SMG7: variants seen among roughly 807,000 people sequenced by gnomAD.
The protein encoded by SMG7 is SMG7 nonsense mediated mRNA decay factor.
A neutral mutation model predicts 148.2 loss-of-function variants in SMG7; 34 were observed. The observed-to-expected ratio is 0.23, with a 90% CI of 0.17 to 0.31. The LOEUF is 0.31. SMG7 is among the 10% of genes least tolerant of loss of function. The pLI is 1.00. For synonymous variants in SMG7, 492 were observed against 515.1 expected (o/e 0.96, Z 0.61); for missense variants, 1,114 against 1,408.4 (o/e 0.79, Z 3.35).
intron 17 of SMG7, 82 bp downstream of exon 17, chr1:183,546,419 T>A: frequency 7.0e-7 from 1 of 1,431,384 alleles, no homozygotes; most frequent in Non-Finnish European, 9.5e-7. Flanking sequence ...ATAGATCTTA[T>A]AAAAAGGCCA....
Position 183,530,849 on chromosome 1 carries a change from C to G in SMG7, c.843+1316C>G, listed in dbSNP as rs1572018964. 3.3e-5 allele frequency among the ~76,000 whole-genome samples: 5 copies of G among 152,174 alleles called. No individual in the cohort carries two copies. In the Middle Eastern group the frequency reaches 0.017, roughly 518 times the overall value. Reference sequence around the variant, plus strand: ...CAGCTCTGGTTCTGTGAAATACTCTCTAAATTGGTGGTGGTGGGTGGTCCC... The same window carrying G: ...CAGCTCTGGTTCTGTGAAATACTCTGTAAATTGGTGGTGGTGGGTGGTCCC... On this transcript the variant is annotated intron_variant, in intron 8 of 22. Transcript: ENST00000688051.
chr1:183,473,185 G>C (rs553676648), intron 1 of SMG7, among the ~76,000 whole-genome samples: 2 of 152,198 alleles, frequency 1.3e-5, no homozygotes, highest in East Asian at 3.9e-4. Context: ...CTCGGGTTGG[G>C]AGTATTGAGG....
intron 8 of SMG7, among the ~76,000 whole-genome samples, chr1:183,532,907 T>G (rs1332878246): frequency 6.6e-6 from 1 of 152,208 alleles, no homozygotes. Context: ...ATATATAGTT[T>G]CCTAGGAGAA....
chr1:183,543,487 G>GAA (rs776454221), intron 14 of SMG7, among the ~76,000 whole-genome samples: 2 of 144,772 alleles, frequency 1.4e-5, no homozygotes, highest in Non-Finnish European at 1.5e-5. Context: ...GGAAAGGCAA[G>GAA]AAAAAAAAAA....
rs544644369 is a variant in SMG7, at chr1:183,482,438, G to GT, written c.29+9790dup. 4.8e-3 allele frequency among the ~76,000 whole-genome samples: 728 copies of GT among 150,628 alleles called. 1 individual carries two copies. Among genetic ancestry groups the GT allele is most frequent in the Non-Finnish European group, 7.6e-3 (515 of 67,622 alleles). ...ACTTTTGTAAGTAGCCTCATCTTAGGTAAAAAAAAAAAATAGCTATTTGGA... is the reference window on the plus strand; with the variant it reads ...ACTTTTGTAAGTAGCCTCATCTTAGGTTAAAAAAAAAAAATAGCTATTTGGA... On this transcript the variant is annotated intron_variant, in intron 1 of 22. Coordinates refer to ENST00000688051, the MANE Select transcript of SMG7 (RefSeq NM_001375584.1).
intron 1 of SMG7, among the ~76,000 whole-genome samples, chr1:183,507,136 C>T (rs1661113809): frequency 6.6e-6 from 1 of 152,096 alleles, no homozygotes; most frequent in Non-Finnish European, 1.5e-5. Context: ...ACCTCAGCCT[C>T]CCAAAGTGTT....
intron 1 of SMG7, among the ~76,000 whole-genome samples, chr1:183,478,510 CCTAT>C (rs1412856114): frequency 6.6e-6 from 1 of 152,010 alleles, no homozygotes; most frequent in Non-Finnish European, 1.5e-5. Flanking sequence ...TACTTCCTGT[CCTAT>C]CTTAGGTTTC....
At chr1:183,473,210 T>C (rs1651195486) in intron 1 of SMG7, among the ~76,000 whole-genome samples, 1 of 151,272 alleles carries the variant, frequency 6.6e-6, no homozygotes, top group South Asian at 2.1e-4. Context: ...ATGTCATCTG[T>C]AGTTAGTTGG....
At chr1:183,528,816 C>A (rs1666362772) in intron 6 of SMG7, 76 bp from the exon 7 acceptor site, 3 of 1,275,590 alleles carry the variant, frequency 2.4e-6, no homozygotes, top group Non-Finnish European at 3.3e-6. Flanking sequence ...AGTATTTAAA[C>A]ACTGATCATT....
At chr1:183,526,118 C>T (rs1006056402) in intron 4 of SMG7, among the ~76,000 whole-genome samples, 1 of 149,200 alleles carries the variant, frequency 6.7e-6, no homozygotes. Context: ...ACTAGTTATC[C>T]TGTGAAAGAT....
At position 183,552,158 on chromosome 1, in the gene SMG7, A is replaced by G. The variant is rs1360547513; in HGVS notation, c.*227A>G. The G allele has an allele frequency of 1.2e-5, 14 of 1,174,534 alleles. No individual in the cohort carries two copies. Among genetic ancestry groups the G allele is most frequent in the South Asian group, 9.8e-5 (3 of 30,614 alleles). 72.8% of individuals were successfully genotyped at this position (1,174,534 alleles called of 1,614,324 possible). On this transcript the variant is annotated 3_prime_UTR_variant, in exon 23 of 23. Transcript: ENST00000688051. ...CGTCCCCCCGGGGCCCTCCGGAGGG[A>G]GAGAGAGAGGAACTGCTGTTTATCT...
rs751565478 is a variant in SMG7, at chr1:183,545,246, A to G, written c.2304A>G (p.Gln768=). The G allele has an allele frequency of 1.7e-5, 28 of 1,613,726 alleles. No homozygotes were observed. The highest frequency in any genetic ancestry group is 2.4e-5 in the Non-Finnish European group (28 of 1,180,006). ...AGGTTCAAGCTCTAACTCAGCAACAACAATCCCCTACAAAAGCTGTGCCGG... is the reference window on the plus strand; with the variant it reads ...AGGTTCAAGCTCTAACTCAGCAACAGCAATCCCCTACAAAAGCTGTGCCGG... ...QLQVQALTQQ[Q]QSPTKAVPAL... Residue 768 remains glutamine, a synonymous_variant, in exon 16 of 23, where the codon CAA becomes CAG. Transcript: ENST00000688051.
At chr1:183,525,248 A>C (rs1040948179) in intron 4 of SMG7, among the ~76,000 whole-genome samples, 2 of 152,182 alleles carry the variant, frequency 1.3e-5, no homozygotes, top group East Asian at 3.8e-4. Context: ...ACAGCTCAGT[A>C]ATCAACCATA....
intron 18 of SMG7, among the ~76,000 whole-genome samples, chr1:183,547,824 A>G (rs572377284): frequency 1.3e-5 from 2 of 152,362 alleles, no homozygotes; most frequent in South Asian, 4.1e-4. Flanking sequence ...AGTGTCATAA[A>G]TGAGTAAATA....
At chr1:183,484,581 A>G (rs1455745926) in intron 1 of SMG7, among the ~76,000 whole-genome samples, 1 of 151,958 alleles carries the variant, frequency 6.6e-6, no homozygotes, top group Non-Finnish European at 1.5e-5. Flanking sequence ...ACCAGGAACA[A>G]TTCTCTCTCC....
rs1671205211 is a variant in SMG7, at chr1:183,552,349, C to T, written c.*418C>T. Reference sequence around the variant, plus strand: ...TAAAATAGGAATCCATTAATGATTGCTTTGCTGACTGAGAATGTAGTTGAA... The same window carrying T: ...TAAAATAGGAATCCATTAATGATTGTTTTGCTGACTGAGAATGTAGTTGAA... On this transcript the variant is annotated 3_prime_UTR_variant, in exon 23 of 23. Transcript: ENST00000688051. 1 of 993,186 alleles carries T rather than the reference C, an allele frequency of 1.0e-6. No homozygotes were observed. The highest frequency in any genetic ancestry group is 1.2e-6 in the Non-Finnish European group (1 of 835,124). The allele number at this position is 993,186 out of a possible 1,614,324, so 61.5% of individuals were successfully genotyped here.
intron 1 of SMG7, among the ~76,000 whole-genome samples, chr1:183,487,813 T>C (rs1055773384): frequency 6.6e-6 from 1 of 152,226 alleles, no homozygotes; most frequent in Non-Finnish European, 1.5e-5. Context: ...CTGGTAAATA[T>C]ATAATGGGAA....
chr1:183,518,999 C>T (rs1664169422), intron 4 of SMG7, among the ~76,000 whole-genome samples: 1 of 152,112 alleles, frequency 6.6e-6, no homozygotes, highest in African/African-American at 2.4e-5. Flanking sequence ...GTAATCACAA[C>T]ACTTTGGGAA....
chr1:183,496,239 T>A (rs2102266199), intron 1 of SMG7, among the ~76,000 whole-genome samples: 1 of 152,320 alleles, frequency 6.6e-6, no homozygotes, highest in East Asian at 1.9e-4. Flanking sequence ...ATTAACTTTT[T>A]ATTCTTTCAT....
Sources: gnomAD v4.1 joint callset for allele counts (sites outside exome capture counted in the v4.1 genomes callset) on GRCh38, gnomAD v4.1.1 for gene constraint, MANE v1.5 for transcripts, NCBI Gene and HGNC (gene_info 2026-07-23, HGNC 2026-07-21) for gene names.